The following HIF1A variants were observed in gnomAD, a reference collection of about 807,000 sequenced individuals.
HIF1A encodes the protein hypoxia-inducible factor 1-alpha.
Under a neutral mutation model 92.7 loss-of-function variants are expected in HIF1A, and 24 were observed. The observed-to-expected ratio is 0.26, with a 90% confidence interval of 0.19 to 0.36. The LOEUF (loss-of-function observed/expected upper bound fraction) is 0.36. Among genes scored for constraint, HIF1A ranks in the 10% least tolerant of loss-of-function variants. The probability of loss-of-function intolerance (pLI) is 1.00; values close to 1 mark genes in which losing one functional copy is unlikely to be tolerated. For missense variants in HIF1A, 799 were observed against 998.5 expected (o/e 0.80, Z 2.69); for synonymous variants, 319 against 338.7 (o/e 0.94, Z 0.64).
chr14:61,697,812 A>T, intron 1 of HIF1A: 1 of 1,485,870 alleles, frequency 6.7e-7, no homozygotes, highest in Non-Finnish European at 8.9e-7. Flanking sequence ...AGGTTGAGGG[A>T]CGGAGATTTT....
rs1282416709 is a variant in HIF1A, at chr14:61,695,855, C to G, written c.35+16C>G. 2.6e-6 allele frequency: 4 copies of G among 1,564,398 alleles called. No individual in the cohort carries two copies. The highest frequency in any genetic ancestry group is 2.4e-5 in the East Asian group (1 of 42,422). ...ACAAGAAAAAGTAAGCCCATTCCCT[C>G]GGCCCGCCGCCTTCTCCCCCGGCGA... On this transcript the variant is annotated intron_variant, in intron 1 of 14. Coordinates refer to ENST00000337138, the MANE Select transcript of HIF1A (RefSeq NM_001530.4).
intron 1 of HIF1A, among the ~76,000 whole-genome samples, chr14:61,699,770 T>C (rs2044158447): frequency 1.3e-5 from 2 of 152,176 alleles, no homozygotes; most frequent in Non-Finnish European, 1.5e-5. Flanking sequence ...TGTGTGTATG[T>C]GTTTTCTGCT....
intron 12 of HIF1A, 33 bp downstream of exon 12, chr14:61,741,221 T>C: frequency 7.0e-7 from 1 of 1,426,658 alleles, no homozygotes; most frequent in Non-Finnish European, 9.6e-7. Context: ...TTATAGTTCT[T>C]TTATTATTTT....
intron 10 of HIF1A, among the ~76,000 whole-genome samples, chr14:61,739,592 AT>A (rs762944371): frequency 6.6e-6 from 1 of 152,208 alleles, no homozygotes; most frequent in Non-Finnish European, 1.5e-5. Context: ...AGAAAAAAAA[AT>A]GTTTGATTCA....
chr14:61,734,321 C>T (rs746741043), intron 8 of HIF1A, 36 bp downstream of exon 8: 13 of 1,458,796 alleles, frequency 8.9e-6, no homozygotes, highest in Non-Finnish European at 1.2e-5. Flanking sequence ...TTTTGGGGAA[C>T]AAATAGTAAT....
chr14:61,728,575 A>C (rs1479722273), intron 6 of HIF1A, among the ~76,000 whole-genome samples: 2 of 152,230 alleles, frequency 1.3e-5, no homozygotes, highest in East Asian at 3.8e-4. Context: ...ACATGACTCC[A>C]GCAAAACTTT....
At chr14:61,721,901 T>G (rs1258534784) in intron 4 of HIF1A, 78 bp downstream of exon 4, 1 of 1,034,968 alleles carries the variant, frequency 9.7e-7, no homozygotes, top group Non-Finnish European at 1.5e-6. Flanking sequence ...TATTAAACTT[T>G]GCTATTGTAC....
chr14:61,697,811 G>A, intron 1 of HIF1A: 2 of 1,485,422 alleles, frequency 1.3e-6, no homozygotes, highest in East Asian at 5.0e-5. Flanking sequence ...GAGGTTGAGG[G>A]ACGGAGATTT....
chr14:61,720,213 G>T (rs1351032210), intron 1 of HIF1A, among the ~76,000 whole-genome samples, 169 bp from the exon 2 acceptor site: 1 of 152,076 alleles, frequency 6.6e-6, no homozygotes, highest in African/African-American at 2.4e-5. Context: ...TTGTATAGTT[G>T]CCCTTTATAA....
Position 61,745,454 on chromosome 14 carries a change from T to TA in HIF1A, c.2203-235dup. 1.2e-5 allele frequency: 6 copies of TA among 495,292 alleles called. No individual in the cohort carries two copies. The South Asian group carries it at 1.3e-4, about 11-fold the overall frequency. The allele number at this position is 495,292 out of a possible 1,614,324, so 30.7% of individuals were successfully genotyped here. The stretch of plus-strand genomic sequence containing the variant: ...AAAAAAGAACTGCTATGTTTTGGGG[T>TA]AAGTCAATGGTGGTATAATACATTC... On this transcript the variant is annotated intron_variant, in intron 13 of 14. Coordinates refer to ENST00000337138, the MANE Select transcript of HIF1A (RefSeq NM_001530.4).
chr14:61,719,130 C>G (rs577530586), intron 1 of HIF1A, among the ~76,000 whole-genome samples: 1 of 152,134 alleles, frequency 6.6e-6, no homozygotes, highest in Non-Finnish European at 1.5e-5. Context: ...GGGGTGGAGA[C>G]AATTCGGTAC....
Position 61,736,869 on chromosome 14 carries a change from A to AG in HIF1A, c.1029-20_1029-19insG. 1 of 1,554,414 alleles carries AG rather than the reference A, an allele frequency of 6.4e-7. No homozygotes were observed. On this transcript the variant is annotated intron_variant, in intron 8 of 14. Transcript: ENST00000337138. ...ATCAAGTGCTCATTTGTGAATTACC[A>AG]ATTTCTCTTGTTTTGACAGTGGTAT...
intron 13 of HIF1A, 77 bp from the exon 14 acceptor site, chr14:61,745,614 A>T: frequency 2.6e-6 from 3 of 1,164,296 alleles, no homozygotes; most frequent in Non-Finnish European, 2.5e-6. Flanking sequence ...TATTAAATTT[A>T]CACCAATTTC....
At chr14:61,741,270 T>A in intron 12 of HIF1A, 82 bp downstream of exon 12, 1 of 1,024,740 alleles carries the variant, frequency 9.8e-7, no homozygotes, top group Non-Finnish European at 1.4e-6. Context: ...TTTTTAAACT[T>A]ATAGCAAACT....
At chr14:61,725,387 A>T (rs999200736) in intron 4 of HIF1A, among the ~76,000 whole-genome samples, 8 of 151,118 alleles carry the variant, frequency 5.3e-5, no homozygotes, top group Non-Finnish European at 7.4e-5. Context: ...CAATGAAGAT[A>T]AGAAATCAAG....
At chr14:61,697,879 A>C (rs2044134416) in intron 1 of HIF1A, 1 of 1,519,988 alleles carries the variant, frequency 6.6e-7, no homozygotes, top group Non-Finnish European at 8.8e-7. Flanking sequence ...AGTTTGGAAA[A>C]CAAATTTGTC....
intron 1 of HIF1A, chr14:61,697,515 G>T: frequency 5.3e-6 from 1 of 189,680 alleles, no homozygotes. Context: ...CAGAATATCA[G>T]AAGCAGTTTT....
intron 12 of HIF1A, among the ~76,000 whole-genome samples, chr14:61,743,109 G>C (rs1594888659): frequency 1.3e-5 from 2 of 152,214 alleles, no homozygotes; most frequent in East Asian, 3.9e-4. Flanking sequence ...TTGTTGCCCA[G>C]GCTGGAGTGC....
intron 1 of HIF1A, among the ~76,000 whole-genome samples, chr14:61,716,644 T>C (rs192373950): frequency 5.3e-5 from 8 of 152,296 alleles, no homozygotes; most frequent in Non-Finnish European, 8.8e-5. Context: ...ACTAAATATT[T>C]TATGTTCTTA....
Sources: gnomAD v4.1 joint callset for allele counts (sites outside exome capture counted in the v4.1 genomes callset) on GRCh38, gnomAD v4.1.1 for gene constraint, MANE v1.5 for transcripts, NCBI Gene and HGNC (gene_info 2026-07-23, HGNC 2026-07-21) for gene names.